Variants in TTLL5 observed in about 807,000 individuals in gnomAD.
The protein encoded by TTLL5 is tubulin polyglutamylase TTLL5.
Under a neutral mutation model 168.4 loss-of-function variants are expected in TTLL5, and 132 were observed. The observed-to-expected ratio is 0.78, with a 90% CI of 0.68 to 0.91. The LOEUF (loss-of-function observed/expected upper bound fraction) is 0.91, where lower values mean the gene tolerates loss of function less well. Among genes scored for constraint, TTLL5 ranks in the 40% least tolerant of loss-of-function variants. TTLL5 has a pLI of 0.00. For synonymous variants in TTLL5, 546 were observed against 558.6 expected (o/e 0.98, Z 0.32); for missense variants, 1,545 against 1,581.5 (o/e 0.98, Z 0.39).
chr14:75,704,279 C>T (rs1173735881), intron 7 of TTLL5, among the ~76,000 whole-genome samples: 1 of 152,234 alleles, frequency 6.6e-6, no homozygotes, highest in Non-Finnish European at 1.5e-5. Flanking sequence ...TGGCTCATGC[C>T]TGTAATCCCA....
At chr14:75,909,879 C>T (rs559966780) in intron 31 of TTLL5, among the ~76,000 whole-genome samples, 1 of 152,336 alleles carries the variant, frequency 6.6e-6, no homozygotes, top group South Asian at 2.1e-4. Context: ...GAAGTGCATG[C>T]GTTCCTGTCC....
At chr14:75,888,803 C>T (rs182684185) in intron 30 of TTLL5, among the ~76,000 whole-genome samples, 3 of 151,834 alleles carry the variant, frequency 2.0e-5, no homozygotes, top group Admixed American at 6.6e-5. Context: ...GGCATGGTGG[C>T]AGGTGCCTGT....
At chr14:75,757,529 G>A (rs752547457) in intron 18 of TTLL5, among the ~76,000 whole-genome samples, 3 of 152,186 alleles carry the variant, frequency 2.0e-5, no homozygotes, top group Non-Finnish European at 4.4e-5. Context: ...TTCACATGGT[G>A]GTTGTGATGA....
intron 1 of TTLL5, among the ~76,000 whole-genome samples, chr14:75,661,858 A>G (rs919961689): frequency 2.6e-5 from 4 of 151,842 alleles, no homozygotes; most frequent in Middle Eastern, 3.2e-3. Flanking sequence ...TTTGATCATT[A>G]TCGGGGTCTG....
At position 75,745,479 on chromosome 14, in the gene TTLL5, T is replaced by G; in HGVS notation, c.1396-11T>G. 6.2e-7 allele frequency: 1 copy of G among 1,613,886 alleles called. No homozygotes were observed. The highest frequency in any genetic ancestry group is 8.5e-7 in the Non-Finnish European group (1 of 1,179,834). ...AAAATAGGTACTCATTTTATCTTATTTTTCATCTAGATCAAAGTTTTACGA... is the reference window on the plus strand; with the variant it reads ...AAAATAGGTACTCATTTTATCTTATGTTTCATCTAGATCAAAGTTTTACGA... On this transcript the variant is annotated splice_polypyrimidine_tract_variant and intron_variant, in intron 16 of 31. Transcript: ENST00000298832.
At chr14:75,898,729 G>T (rs1467711953) in intron 30 of TTLL5, among the ~76,000 whole-genome samples, 1 of 152,114 alleles carries the variant, frequency 6.6e-6, no homozygotes, top group Non-Finnish European at 1.5e-5. Flanking sequence ...ACTTCATTTG[G>T]TGCACAGTTG....
chr14:75,732,767 T>A (rs1032281544), intron 13 of TTLL5, among the ~76,000 whole-genome samples: 1 of 152,180 alleles, frequency 6.6e-6, no homozygotes. Context: ...ACCGAAAGTT[T>A]TACAGGTTCA....
At chr14:75,771,928 C>G (rs1260336807) in intron 21 of TTLL5, 74 bp downstream of exon 21, 1 of 1,342,820 alleles carries the variant, frequency 7.4e-7, no homozygotes, top group Non-Finnish European at 1.0e-6. Context: ...TTTTTTTTTC[C>G]TATTAGGGTA....
At chr14:75,879,192 AT>A (rs1463723365) in intron 29 of TTLL5, among the ~76,000 whole-genome samples, 1 of 152,226 alleles carries the variant, frequency 6.6e-6, no homozygotes, top group Non-Finnish European at 1.5e-5. Flanking sequence ...ATGTACTGTG[AT>A]GAGTCATACA....
At chr14:75,764,167 G>A (rs961766192) in intron 18 of TTLL5, among the ~76,000 whole-genome samples, 2 of 152,078 alleles carry the variant, frequency 1.3e-5, no homozygotes, top group African/African-American at 4.8e-5. Context: ...AATCCATATT[G>A]TTTAGATTTT....
intron 30 of TTLL5, chr14:75,887,363 G>A (rs1033924290): frequency 8.1e-5 from 79 of 979,614 alleles, no homozygotes; most frequent in Non-Finnish European, 9.5e-5. Context: ...AAAGTAATTA[G>A]GACTTAATAA....
intron 28 of TTLL5, among the ~76,000 whole-genome samples, chr14:75,850,601 A>C (rs954113556): frequency 2.0e-5 from 3 of 152,056 alleles, no homozygotes; most frequent in African/African-American, 7.2e-5. Context: ...AAGACACGTG[A>C]ATCCTGTTCT....
At chr14:75,761,597 A>G (rs563163899) in intron 18 of TTLL5, among the ~76,000 whole-genome samples, 1 of 152,352 alleles carries the variant, frequency 6.6e-6, no homozygotes, top group South Asian at 2.1e-4. Flanking sequence ...TTCATACTGT[A>G]TGGTTTCATT....
At chr14:75,720,552 G>A in intron 11 of TTLL5, 44 bp from the exon 12 acceptor site, 2 of 1,317,240 alleles carry the variant, frequency 1.5e-6, no homozygotes, top group South Asian at 1.2e-5. Flanking sequence ...CATAATCCAT[G>A]TATTTTGATA....
intron 21 of TTLL5, among the ~76,000 whole-genome samples, chr14:75,773,957 A>AAGAG (rs1166420551): frequency 1.2e-4 from 5 of 43,354 alleles, no homozygotes; most frequent in African/African-American, 2.4e-4. Context: ...GAGAGAGAGA[A>AAGAG]AGAGAGAGAG....
intron 12 of TTLL5, among the ~76,000 whole-genome samples, chr14:75,727,526 C>T (rs977717221): frequency 3.3e-5 from 5 of 152,190 alleles, no homozygotes; most frequent in South Asian, 2.1e-4. Context: ...TCAGTGGTTG[C>T]TGAGGGTGGG....
At chr14:75,674,408 C>G (rs1883985331) in intron 3 of TTLL5, among the ~76,000 whole-genome samples, 1 of 152,150 alleles carries the variant, frequency 6.6e-6, no homozygotes, top group Non-Finnish European at 1.5e-5. Flanking sequence ...GGTTAAATCC[C>G]CCTGAGAAGT....
chr14:75,864,692 G>A (rs185929383), intron 29 of TTLL5, among the ~76,000 whole-genome samples: 1 of 152,076 alleles, frequency 6.6e-6, no homozygotes. Flanking sequence ...TCTACAGTGG[G>A]GTTATTGGAA....
intron 31 of TTLL5, among the ~76,000 whole-genome samples, chr14:75,908,826 G>T (rs959917073): frequency 1.3e-5 from 2 of 152,016 alleles, no homozygotes; most frequent in Non-Finnish European, 2.9e-5. Flanking sequence ...GCACAAGCTG[G>T]AGTGCAGTGG....
Sources: allele counts gnomAD v4.1 joint callset (sites outside exome capture counted in the v4.1 genomes callset), GRCh38; gene constraint gnomAD v4.1.1; transcripts MANE v1.5; gene names NCBI Gene and HGNC (gene_info 2026-07-23, HGNC 2026-07-21).